Variants in PIK3CD observed in about 807,000 individuals in gnomAD.
PIK3CD encodes phosphatidylinositol 4,5-bisphosphate 3-kinase catalytic subunit delta isoform.
Under a neutral mutation model 122.9 loss-of-function variants are expected in PIK3CD, and 20 were observed. The observed-to-expected ratio is 0.16, with a 90% CI of 0.11 to 0.24. The LOEUF (loss-of-function observed/expected upper bound fraction) is 0.24. Among genes scored for constraint, PIK3CD ranks in the 10% least tolerant of loss-of-function variants. The pLI is 1.00. For synonymous variants in PIK3CD, 596 were observed against 593.4 expected (o/e 1.00, Z -0.06); for missense variants, 787 against 1,406.3 (o/e 0.56, Z 7.04).
At chr1:9,702,132 T>C (rs539784131) in intron 2 of PIK3CD, among the ~76,000 whole-genome samples, 96 of 151,752 alleles carry the variant, frequency 6.3e-4, no homozygotes, top group Non-Finnish European at 1.3e-3. Context: ...GTAGCTGGGA[T>C]TACAGGCAAG....
chr1:9,711,927 C>T (rs1056698876), intron 3 of PIK3CD, among the ~76,000 whole-genome samples: 16 of 152,006 alleles, frequency 1.1e-4, no homozygotes, highest in East Asian at 7.7e-4. Flanking sequence ...GATGGAGTCC[C>T]GCTCTGTCGC....
rs954377793 is a variant in PIK3CD at position 9,700,978 on chromosome 1, C to T, written c.-33+9407C>T. On this transcript the variant is annotated intron_variant, in intron 2 of 23. Transcript: ENST00000377346. This position sits in a 1 kb window ranked among gnomAD's most constrained non-coding sequence, Gnocchi z 5.1. The stretch of plus-strand genomic sequence containing the variant: ...GTCAAGCCACTGTCATTAGTGGCAC[C>T]GGCCTCCTTCCCCTGCCCCCTACTC... 1.3e-5 allele frequency among the ~76,000 whole-genome samples: 2 copies of T among 152,096 alleles called. No individual in the cohort carries two copies. Among genetic ancestry groups the T allele is most frequent in the Admixed American group, 6.6e-5 (1 of 15,252 alleles).
chr1:9,683,331 G>C (rs541032588), intron 1 of PIK3CD, among the ~76,000 whole-genome samples: 1 of 151,548 alleles, frequency 6.6e-6, no homozygotes, highest in South Asian at 2.1e-4. Context: ...CCAGCTACTC[G>C]GGAGGCTGAG....
intron 14 of PIK3CD, 84 bp from the exon 15 acceptor site, chr1:9,721,360 C>T (rs1380486029): frequency 6.2e-7 from 1 of 1,607,538 alleles, no homozygotes; most frequent in Non-Finnish European, 8.5e-7. Context: ...CTCCCTCCTG[C>T]CTGGCCTCCC....
At chr1:9,678,655 T>C (rs1253529372) in intron 1 of PIK3CD, among the ~76,000 whole-genome samples, 1 of 152,162 alleles carries the variant, frequency 6.6e-6, no homozygotes, top group East Asian at 1.9e-4. Flanking sequence ...AGCTTCTCTG[T>C]CGTATGAGAT....
chr1:9,721,075 C>G, intron 13 of PIK3CD, 52 bp from the exon 14 acceptor site: 1 of 1,513,776 alleles, frequency 6.6e-7, no homozygotes, highest in Non-Finnish European at 9.1e-7. Context: ...TTACCCTGAC[C>G]ACCTCCACCC....
Position 9,698,065 on chromosome 1 carries a change from C to T in PIK3CD, c.-33+6494C>T, listed in dbSNP as rs192953217. Among the ~76,000 whole-genome samples the T allele has an allele frequency of 2.0e-4, 30 of 152,224 alleles. No individual in the cohort carries two copies. In the East Asian group the frequency reaches 5.0e-3, roughly 25 times the overall value. On this transcript the variant is annotated intron_variant, in intron 2 of 23. Coordinates refer to ENST00000377346, the MANE Select transcript of PIK3CD (RefSeq NM_005026.5). ...GAAGAAGAAAAAAGAAAGAAAACCACGTACTTGTATAACTTTCCTAGAAAT... is the reference window on the plus strand; with the variant it reads ...GAAGAAGAAAAAAGAAAGAAAACCATGTACTTGTATAACTTTCCTAGAAAT...
intron 2 of PIK3CD, among the ~76,000 whole-genome samples, chr1:9,706,897 C>G (rs1437803892): frequency 6.6e-6 from 1 of 151,690 alleles, no homozygotes; most frequent in Non-Finnish European, 1.5e-5. Flanking sequence ...TCTCAAACTC[C>G]CAGGCTCAAG....
intron 2 of PIK3CD, among the ~76,000 whole-genome samples, chr1:9,698,957 G>T (rs1268312171): frequency 6.6e-6 from 1 of 152,146 alleles, no homozygotes; most frequent in Admixed American, 6.5e-5. Flanking sequence ...AGAGGCCGAT[G>T]CAGGAGGATT....
chr1:9,674,311 C>T (rs779618331), intron 1 of PIK3CD, among the ~76,000 whole-genome samples: 8 of 152,126 alleles, frequency 5.3e-5, no homozygotes, highest in African/African-American at 9.7e-5. Flanking sequence ...CGTAGCTTGC[C>T]GTTTCTGTAT....
At chr1:9,696,676 G>A (rs1646428624) in intron 2 of PIK3CD, among the ~76,000 whole-genome samples, 1 of 151,548 alleles carries the variant, frequency 6.6e-6, no homozygotes, top group South Asian at 2.1e-4. Flanking sequence ...CCTGAGCTAG[G>A]GAGGTTGAGG....
At chr1:9,684,532 G>T (rs575435515) in intron 1 of PIK3CD, among the ~76,000 whole-genome samples, 1 of 139,602 alleles carries the variant, frequency 7.2e-6, no homozygotes, top group Non-Finnish European at 1.5e-5. Context: ...GAGAGACTCC[G>T]TCTCAAAAAA....
Position 9,727,107 on chromosome 1 carries a change from T to C in PIK3CD, c.*61T>C. On this transcript the variant is annotated 3_prime_UTR_variant, in exon 24 of 24. Transcript: ENST00000377346. ...CTGCGGGTCGTGGGGACCAAGCACA[T>C]TGGTCCTAAAGGGGCTGAAGAGCCT... 6.2e-7 allele frequency: 1 copy of C among 1,605,406 alleles called. No individual in the cohort carries two copies. Among genetic ancestry groups the C allele is most frequent in the Non-Finnish European group, 8.5e-7 (1 of 1,173,430 alleles).
chr1:9,673,469 C>T (rs1469997934), intron 1 of PIK3CD, among the ~76,000 whole-genome samples: 1 of 152,114 alleles, frequency 6.6e-6, no homozygotes, highest in East Asian at 1.9e-4. Context: ...CTATGTTGTT[C>T]GGGCTGATCT....
chr1:9,683,022 G>T (rs1488168465), intron 1 of PIK3CD, among the ~76,000 whole-genome samples: 1 of 150,508 alleles, frequency 6.6e-6, no homozygotes, highest in African/African-American at 2.5e-5. Context: ...TCCCCACTGG[G>T]ATTGGGCCCT....
At chr1:9,696,113 A>G (rs1186560108) in intron 2 of PIK3CD, among the ~76,000 whole-genome samples, 6 of 151,720 alleles carry the variant, frequency 4.0e-5, no homozygotes, top group Non-Finnish European at 8.8e-5. Context: ...CTGGGACTAC[A>G]GGTGTACGCC....
In PIK3CD at chr1:9,715,119, G is replaced by A. The variant is rs1647233287; in HGVS notation, c.142-422G>A. On this transcript the variant is annotated intron_variant, in intron 3 of 23. Transcript: ENST00000377346. This position sits in a 1 kb window ranked among gnomAD's most constrained non-coding sequence, Gnocchi z 4.1. ...TTGAACCTGGGAAGCAGAGGTTGCA[G>A]TGAGCCAGGATTGCGCCACTGCACT... Among the ~76,000 whole-genome samples, 1 of 152,230 alleles carries A rather than the reference G, an allele frequency of 6.6e-6. No homozygotes were observed. Among genetic ancestry groups the A allele is most frequent in the Non-Finnish European group, 1.5e-5 (1 of 68,038 alleles).
At chr1:9,654,145 C>T (rs1294486819) in intron 1 of PIK3CD, 1 of 1,273,360 alleles carries the variant, frequency 7.9e-7, no homozygotes, top group Non-Finnish European at 1.1e-6. Flanking sequence ...GCCCCACTTC[C>T]CCCGCCCTTC....
chr1:9,696,374 C>T (rs1274104575), intron 2 of PIK3CD, among the ~76,000 whole-genome samples: 1 of 151,888 alleles, frequency 6.6e-6, no homozygotes, highest in Non-Finnish European at 1.5e-5. Flanking sequence ...ATCACTTGAG[C>T]CCAGGAGTTC....
Sources: allele counts gnomAD v4.1 joint callset (sites outside exome capture counted in the v4.1 genomes callset), GRCh38; gene constraint gnomAD v4.1.1; non-coding constraint Gnocchi (gnomAD v3.1); transcripts MANE v1.5; gene names NCBI Gene and HGNC (gene_info 2026-07-23, HGNC 2026-07-21).